SLC2A1: variants seen among roughly 807,000 people sequenced by gnomAD.
SLC2A1 encodes solute carrier family 2 member 1.
SLC2A1 carries 4 observed loss-of-function variants against 46.6 expected under a neutral mutation model. That is an observed-to-expected ratio of 0.09 (90% CI 0.04 to 0.20). The LOEUF is 0.20. SLC2A1 is among the 10% of genes least tolerant of loss of function. The pLI is 1.00. For missense variants in SLC2A1, 352 were observed against 667.0 expected, an observed-to-expected ratio of 0.53 and a Z score of 5.20; for synonymous variants, 253 against 270.0, an observed-to-expected ratio of 0.94 and a Z score of 0.62.
At chr1:42,932,906 G>C (rs186784443) in intron 2 of SLC2A1, among the ~76,000 whole-genome samples, 1 of 152,238 alleles carries the variant, frequency 6.6e-6, no homozygotes, top group Non-Finnish European at 1.5e-5. Flanking sequence ...ACAGTTGGTA[G>C]GGCAGAGGCA....
At position 42,929,513 on chromosome 1, in the gene SLC2A1, C is replaced by A. The variant is rs1643464241; in HGVS notation, c.867+80G>T. ...TTCGGCAGAGGCGTATCTGTTGTTT[C>A]AAGTTTGGGACTTGTTCACCATGCA... On this transcript the variant is annotated intron_variant, in intron 6 of 9. Coordinates refer to ENST00000426263, the MANE Select transcript of SLC2A1 (RefSeq NM_006516.4). The surrounding 1 kb of genome is among the most constrained non-coding windows in gnomAD (Gnocchi z 6.0). 1 of 1,421,940 alleles carries A rather than the reference C, an allele frequency of 7.0e-7. No homozygotes were observed. Among genetic ancestry groups the A allele is most frequent in the African/African-American group, 1.4e-5 (1 of 71,134 alleles). 88.1% of individuals were successfully genotyped at this position (1,421,940 alleles called of 1,614,324 possible).
chr1:42,957,835 C>T (rs1643792802), intron 1 of SLC2A1, among the ~76,000 whole-genome samples: 1 of 152,220 alleles, frequency 6.6e-6, no homozygotes, highest in Non-Finnish European at 1.5e-5. Flanking sequence ...CAGCCTGGGG[C>T]TCTTTCCTGG....
intron 1 of SLC2A1, among the ~76,000 whole-genome samples, chr1:42,956,425 A>C (rs1321254209): frequency 2.2e-5 from 2 of 89,406 alleles, no homozygotes; most frequent in African/African-American, 4.5e-5. Flanking sequence ...AAAAAAAAAA[A>C]AAAAAAAACA....
chr1:42,943,389 A>G (rs1643618503), intron 1 of SLC2A1, 68 bp from the exon 2 acceptor site: 1 of 1,151,596 alleles, frequency 8.7e-7, no homozygotes, highest in South Asian at 1.3e-5. Context: ...CAGGGCCTGG[A>G]CTGGCAAGTT....
In SLC2A1 at chr1:42,929,093, C is replaced by G; in HGVS notation, c.973-60G>C. The G allele has an allele frequency of 6.3e-7, 1 of 1,576,322 alleles. No individual in the cohort carries two copies. The highest frequency in any genetic ancestry group is 8.7e-7 in the Non-Finnish European group (1 of 1,146,610). ...CTAGTGCCCTTCTGAACCCACCCACCCAGAGGCCTTGCCTCAAGAGCTGAG... is the reference window on the plus strand; with the variant it reads ...CTAGTGCCCTTCTGAACCCACCCACGCAGAGGCCTTGCCTCAAGAGCTGAG... On this transcript the variant is annotated intron_variant, in intron 7 of 9. Transcript: ENST00000426263. This position sits in a 1 kb window ranked among gnomAD's most constrained non-coding sequence, Gnocchi z 6.0.
intron 1 of SLC2A1, among the ~76,000 whole-genome samples, chr1:42,949,754 T>C (rs1351836548): frequency 6.6e-6 from 1 of 152,152 alleles, no homozygotes; most frequent in African/African-American, 2.4e-5. Flanking sequence ...AACAAGCTTT[T>C]GGGGAGCGAT....
intron 2 of SLC2A1, among the ~76,000 whole-genome samples, chr1:42,941,879 GC>G (rs1557650762): frequency 6.6e-6 from 1 of 152,236 alleles, no homozygotes; most frequent in African/African-American, 2.4e-5. Flanking sequence ...CGGTCTCCAT[GC>G]CCAGCAAACT....
chr1:42,954,057 T>C lies in SLC2A1; in HGVS notation c.18+4577A>G, dbSNP rs542531579. Among the ~76,000 whole-genome samples, 8 of 152,286 alleles carry C rather than the reference T, an allele frequency of 5.3e-5. No homozygotes were observed. The East Asian group carries it at 1.5e-3, about 29-fold the overall frequency. On this transcript the variant is annotated intron_variant, in intron 1 of 9. Coordinates refer to ENST00000426263, the MANE Select transcript of SLC2A1 (RefSeq NM_006516.4). This position sits in a 1 kb window ranked among gnomAD's most constrained non-coding sequence, Gnocchi z 4.2. ...AAGGTCAGAGTTTAGTGGGAACATC[T>C]AGTGTTTTGTTTCCATTCACAGTAG...
chr1:42,929,754 C>A lies in SLC2A1; in HGVS notation c.706G>T (p.Asp236Tyr), dbSNP rs771662171. 2.5e-6 allele frequency: 4 copies of A among 1,614,076 alleles called. No homozygotes were observed. In the Admixed American group the frequency reaches 6.7e-5, roughly 27 times the overall value. ...ATCTCCTGCAGGTCATGGGTCACGT[C>A]AGCTGTCCCGCGCAGCTTCTTTAGC... ...SVLKKLRGTA[D>Y]VTHDLQEMKE... Residue 236 changes from aspartate (D) to tyrosine (Y), a missense_variant, in exon 6 of 10, where the codon GAC becomes TAC. By Grantham distance (160) the Asp-to-Tyr change is radical. Around this residue, in one of 5 missense-constraint regions of SLC2A1, gnomAD observed 167 missense variants for 280.8 expected, o/e 0.59. Transcript: ENST00000426263. The surrounding 1 kb of genome is among the most constrained non-coding windows in gnomAD (Gnocchi z 6.0).
At chr1:42,945,746 A>C (rs113124176) in intron 1 of SLC2A1, among the ~76,000 whole-genome samples, 1 of 106,242 alleles carries the variant, frequency 9.4e-6, no homozygotes, top group Non-Finnish European at 1.7e-5. Context: ...CTCAAAAAAA[A>C]AAAAAAACAA....
At chr1:42,934,462 C>T (rs1386546015) in intron 2 of SLC2A1, among the ~76,000 whole-genome samples, 1 of 152,210 alleles carries the variant, frequency 6.6e-6, no homozygotes, top group African/African-American at 2.4e-5. Flanking sequence ...CCAATTCCTA[C>T]TGCTGGTTCC....
At chr1:42,957,539 A>G (rs1304559540) in intron 1 of SLC2A1, among the ~76,000 whole-genome samples, 1 of 152,184 alleles carries the variant, frequency 6.6e-6, no homozygotes, top group Non-Finnish European at 1.5e-5. Context: ...TGGAAAAATC[A>G]AAGTATAATA....
chr1:42,956,956 G>C (rs1440087695), intron 1 of SLC2A1, among the ~76,000 whole-genome samples: 1 of 152,190 alleles, frequency 6.6e-6, no homozygotes, highest in Admixed American at 6.5e-5. Flanking sequence ...AGGGCTATAA[G>C]GTCCGTGACG....
intron 1 of SLC2A1, among the ~76,000 whole-genome samples, chr1:42,955,400 AGAGTTC>A (rs1250105984): frequency 2.0e-5 from 3 of 152,184 alleles, no homozygotes; most frequent in Non-Finnish European, 4.4e-5. Context: ...CCTGAGCTCA[AGAGTTC>A]GAGACCAGCC....
intron 1 of SLC2A1, among the ~76,000 whole-genome samples, chr1:42,958,092 G>A (rs1643797930): frequency 6.6e-6 from 1 of 152,122 alleles, no homozygotes; most frequent in South Asian, 2.1e-4. Flanking sequence ...AGGGGAGGCC[G>A]GTGGGACACC....
At position 42,926,887 on chromosome 1, in the gene SLC2A1, A is replaced by G; in HGVS notation, c.*154T>C. The G allele has an allele frequency of 6.7e-7, 1 of 1,492,738 alleles. No individual in the cohort carries two copies. Among genetic ancestry groups the G allele is most frequent in the African/African-American group, 1.4e-5 (1 of 71,356 alleles). The allele number at this position is 1,492,738 out of a possible 1,614,324, so 92.5% of individuals were successfully genotyped here. ...AAATCCTGGAGCCGTTAAGTCCTGA[A>G]TATTCTTCTGGACATCATTGCTGGC... On this transcript the variant is annotated 3_prime_UTR_variant, in exon 10 of 10. Transcript: ENST00000426263.
chr1:42,956,430 AAAAC>A lies in SLC2A1; in HGVS notation c.18+2200_18+2203del, dbSNP rs1292394675. ...TACAAAAAAAAAAAAAAAAAAAAAA[AAAAC>A]ATTAGCTGGGTGTGGTGGCACATGC... On this transcript the variant is annotated intron_variant, in intron 1 of 9. Transcript: ENST00000426263. Among the ~76,000 whole-genome samples, 56 of 75,410 alleles carry A rather than the reference AAAAC, an allele frequency of 7.4e-4. No homozygotes were observed. The East Asian group carries it at 0.02, about 26-fold the overall frequency. 49.5% of individuals were successfully genotyped at this position (75,410 alleles called of 152,430 possible).
At chr1:42,956,585 CA>C (rs968395886) in intron 1 of SLC2A1, among the ~76,000 whole-genome samples, 12 of 151,596 alleles carry the variant, frequency 7.9e-5, no homozygotes, top group Non-Finnish European at 1.5e-4. Context: ...AACTCCGTCT[CA>C]AAAAATAAAT....
At position 42,930,632 on chromosome 1, in the gene SLC2A1, G is replaced by A. The variant is rs748156710; in HGVS notation, c.510C>T (p.Ile170=). Residue 170 remains isoleucine, a synonymous_variant, in exon 4 of 10, where the codon ATC becomes ATT. Coordinates refer to ENST00000426263, the MANE Select transcript of SLC2A1 (RefSeq NM_006516.4). The surrounding 1 kb of genome is among the most constrained non-coding windows in gnomAD (Gnocchi z 6.2). The part of the protein sequence containing the change: ...HQLGIVVGIL[I]AQVFGLDSIM... ...AGATCCTGCCCCAGCTTACCTGGGC[G>A]ATGAGGATGCCGACGACGATGCCCA... 2.3e-5 allele frequency: 37 copies of A among 1,612,218 alleles called. No individual in the cohort carries two copies. Among genetic ancestry groups the A allele is most frequent in the East Asian group, 4.5e-5 (2 of 44,830 alleles).
Sources: gnomAD v4.1 joint callset for allele counts (sites outside exome capture counted in the v4.1 genomes callset) on GRCh38, gnomAD v4.1.1 for gene constraint, gnomAD v4.1.1 regional missense constraint, Gnocchi (gnomAD v3.1) non-coding constraint, MANE v1.5 for transcripts, NCBI Gene and HGNC (gene_info 2026-07-23, HGNC 2026-07-21) for gene names.